The following GALNT7 variants were observed in gnomAD, a reference collection of about 807,000 sequenced individuals.
The protein encoded by GALNT7 is polypeptide N-acetylgalactosaminyltransferase 7, also known as N-acetylgalactosaminyltransferase 7.
Under a neutral mutation model 82.1 loss-of-function variants are expected in GALNT7, and 60 were observed. The ratio of observed to expected loss-of-function variants is 0.73; its 90% CI spans 0.59 to 0.91. The LOEUF (loss-of-function observed/expected upper bound fraction) is 0.91. Ranked by LOEUF, GALNT7 falls within the 40% of genes least tolerant of loss-of-function variation. The pLI, the probability that GALNT7 is intolerant of heterozygous loss-of-function variation, is 0.00. For synonymous variants in GALNT7, 243 were observed against 275.1 expected (o/e 0.88, Z 1.15); for missense variants, 660 against 804.2 (o/e 0.82, Z 2.17).
At chr4:173,226,444 T>C (rs1471868386) in intron 1 of GALNT7, among the ~76,000 whole-genome samples, 1 of 152,240 alleles carries the variant, frequency 6.6e-6, no homozygotes, top group Non-Finnish European at 1.5e-5. Flanking sequence ...TCTGCTTGTC[T>C]TTACAGCCAT....
chr4:173,252,196 G>A (rs941608997), intron 2 of GALNT7, among the ~76,000 whole-genome samples: 3 of 152,032 alleles, frequency 2.0e-5, no homozygotes, highest in South Asian at 2.1e-4. Flanking sequence ...AAAACATATC[G>A]CACATCCATA....
rs1346270543 is a variant in GALNT7, at chr4:173,295,807, G to T, written c.929G>T (p.Trp310Leu). 1 of 1,609,338 alleles carries T rather than the reference G, an allele frequency of 6.2e-7. No homozygotes were observed. The highest frequency in any genetic ancestry group is 8.5e-7 in the Non-Finnish European group (1 of 1,175,834). ...LDAHCEVAVN[W>L]YAPLVAPISK... ...GCCCACTGTGAGGTGGCAGTTAACT[G>T]GTATGCACCACTTGTAGCTCCCATA... Residue 310 changes from tryptophan (W) to leucine (L), a missense_variant, in exon 5 of 12, where the codon TGG becomes TTG. This residue lies in a region of GALNT7 where 527 missense variants were observed against 683.5 expected (regional missense o/e 0.77). Coordinates refer to ENST00000265000, the MANE Select transcript of GALNT7 (RefSeq NM_017423.3).
At chr4:173,289,535 T>G (rs554366738) in intron 2 of GALNT7, among the ~76,000 whole-genome samples, 1 of 152,340 alleles carries the variant, frequency 6.6e-6, no homozygotes, top group Non-Finnish European at 1.5e-5. Flanking sequence ...GAGCAACTTC[T>G]CTTATCAGTA....
intron 1 of GALNT7, among the ~76,000 whole-genome samples, chr4:173,194,638 ATTAG>A (rs1161864182): frequency 6.6e-6 from 1 of 152,144 alleles, no homozygotes; most frequent in African/African-American, 2.4e-5. Flanking sequence ...TTATTTATTT[ATTAG>A]TTTTTTTTAT....
intron 9 of GALNT7, among the ~76,000 whole-genome samples, chr4:173,315,667 C>CTTAT (rs34019031): frequency 0.091 from 13,902 of 152,176 alleles, 1,113 homozygotes; most frequent in African/African-American, 0.21. Context: ...TCCCTATACT[C>CTTAT]TTATTTTACC....
At chr4:173,315,107 G>A (rs1737542598) in intron 9 of GALNT7, among the ~76,000 whole-genome samples, 1 of 152,242 alleles carries the variant, frequency 6.6e-6, no homozygotes, top group South Asian at 2.1e-4. Context: ...CCTCTCTGAG[G>A]AGGTGACATT....
chr4:173,288,920 G>A (rs1376908355), intron 2 of GALNT7, among the ~76,000 whole-genome samples: 3 of 151,844 alleles, frequency 2.0e-5, no homozygotes, highest in African/African-American at 7.2e-5. Context: ...TTAGTAATCA[G>A]GACTGACTCT....
chr4:173,183,864 C>T (rs1256222043), intron 1 of GALNT7, among the ~76,000 whole-genome samples: 1 of 150,550 alleles, frequency 6.6e-6, no homozygotes, highest in African/African-American at 2.5e-5. Flanking sequence ...CGGGCGGAGA[C>T]GCTCATCACT....
chr4:173,169,967 G>A (rs1337910530), intron 1 of GALNT7, among the ~76,000 whole-genome samples: 1 of 152,106 alleles, frequency 6.6e-6, no homozygotes, highest in African/African-American at 2.4e-5. Flanking sequence ...CCCAGGGCGC[G>A]AGTGTTAGCG....
At chr4:173,207,961 T>C (rs1196155421) in intron 1 of GALNT7, among the ~76,000 whole-genome samples, 1 of 152,210 alleles carries the variant, frequency 6.6e-6, no homozygotes, top group Non-Finnish European at 1.5e-5. Flanking sequence ...TGAACGTCTT[T>C]TTTATTTACA....
chr4:173,246,178 AT>A (rs1333312899), intron 1 of GALNT7, among the ~76,000 whole-genome samples: 6 of 152,216 alleles, frequency 3.9e-5, no homozygotes, highest in Admixed American at 3.3e-4. Context: ...ACTCTTGCCC[AT>A]TGAAATGGAA....
chr4:173,208,345 T>A (rs1246475232), intron 1 of GALNT7, among the ~76,000 whole-genome samples: 1 of 152,194 alleles, frequency 6.6e-6, no homozygotes, highest in Non-Finnish European at 1.5e-5. Context: ...GATGTGAATT[T>A]GACTTACCCT....
intron 2 of GALNT7, among the ~76,000 whole-genome samples, chr4:173,253,756 T>A (rs1734929668): frequency 1.3e-5 from 2 of 152,198 alleles, no homozygotes; most frequent in Non-Finnish European, 2.9e-5. Flanking sequence ...CAAAGCTCGT[T>A]TACCTGAACT....
In GALNT7 at chr4:173,318,575, A is replaced by AATATT. The variant is rs1580021806; in HGVS notation, c.1836+16_1836+17insATATT. ...GTACTTCAAGGTATTCTGCATTTTA[A>AATATT]CTTCTGAAATATTATATGCTTTTCA... is the stretch of plus-strand genomic sequence containing the variant. On this transcript the variant is annotated intron_variant, in intron 11 of 11. Coordinates refer to ENST00000265000, the MANE Select transcript of GALNT7 (RefSeq NM_017423.3). 6.8e-7 allele frequency: 1 copy of AATATT among 1,468,170 alleles called. No individual in the cohort carries two copies. 90.9% of individuals were successfully genotyped at this position (1,468,170 alleles called of 1,614,324 possible).
At chr4:173,296,146 C>G (rs1736709973) in intron 5 of GALNT7, among the ~76,000 whole-genome samples, 1 of 152,152 alleles carries the variant, frequency 6.6e-6, no homozygotes, top group South Asian at 2.1e-4. Flanking sequence ...ATTGCTCCCT[C>G]TAAACTGGGG....
chr4:173,285,310 AGTT>A (rs1736283775), intron 2 of GALNT7, among the ~76,000 whole-genome samples: 1 of 152,232 alleles, frequency 6.6e-6, no homozygotes, highest in Non-Finnish European at 1.5e-5. Flanking sequence ...AAGCCTGGTA[AGTT>A]GTTTTAATTA....
intron 1 of GALNT7, among the ~76,000 whole-genome samples, chr4:173,247,236 A>G (rs1313267472): frequency 1.3e-5 from 2 of 151,660 alleles, no homozygotes; most frequent in African/African-American, 4.9e-5. Flanking sequence ...GAAGATCTGC[A>G]TAGGTGATGA....
intron 1 of GALNT7, among the ~76,000 whole-genome samples, chr4:173,235,824 G>A (rs1221438726): frequency 1.3e-5 from 2 of 152,124 alleles, no homozygotes; most frequent in East Asian, 1.9e-4. Context: ...AAAGTGCTGG[G>A]ATTACAGGCG....
intron 2 of GALNT7, among the ~76,000 whole-genome samples, chr4:173,275,697 C>T (rs1735882869): frequency 6.6e-6 from 1 of 152,196 alleles, no homozygotes; most frequent in South Asian, 2.1e-4. Flanking sequence ...CCTCCAAACC[C>T]ATTGATTATT....
Sources: allele counts gnomAD v4.1 joint callset (sites outside exome capture counted in the v4.1 genomes callset), GRCh38; gene constraint gnomAD v4.1.1; regional missense constraint gnomAD v4.1.1; transcripts MANE v1.5; gene names NCBI Gene and HGNC (gene_info 2026-07-23, HGNC 2026-07-21).